Variants in ASIC2 observed in about 807,000 individuals in gnomAD.
ASIC2 encodes the protein acid sensing ion channel subunit 2.
In ASIC2, 25 loss-of-function variants were observed where a neutral mutation model predicts 57.3. The observed-to-expected ratio is 0.44, with a 90% CI of 0.32 to 0.61. ASIC2 has a LOEUF of 0.61. Among genes scored for constraint, ASIC2 ranks in the 20% least tolerant of loss-of-function variants. The probability of loss-of-function intolerance (pLI) is 0.06; values close to 1 mark genes in which losing one functional copy is unlikely to be tolerated. For synonymous variants in ASIC2, 319 were observed against 307.5 expected (o/e 1.04, Z -0.39); for missense variants, 641 against 738.1 (o/e 0.87, Z 1.52).
At chr17:33,234,867 T>C (rs974454441) in intron 1 of ASIC2, among the ~76,000 whole-genome samples, 28 of 152,188 alleles carry the variant, frequency 1.8e-4, no homozygotes, top group Non-Finnish European at 3.5e-4. Context: ...GATTTCAACA[T>C]ATACATCTTG....
chr17:33,476,544 GGTGTGTGTGTGTGT>G (rs59467363), intron 1 of ASIC2, among the ~76,000 whole-genome samples: 13 of 104,638 alleles, frequency 1.2e-4, no homozygotes, highest in Non-Finnish European at 1.9e-4. Context: ...TATGTACAGG[GGTGTGTGTGTGTGT>G]GTGTGTGTGT....
chr17:33,729,586 C>T (rs1909675221), intron 1 of ASIC2, among the ~76,000 whole-genome samples: 1 of 152,178 alleles, frequency 6.6e-6, no homozygotes, highest in Non-Finnish European at 1.5e-5. Flanking sequence ...GAGTCCAGAG[C>T]CAGATTCTAG....
At chr17:33,803,874 C>A (rs907269132) in intron 1 of ASIC2, among the ~76,000 whole-genome samples, 1 of 151,978 alleles carries the variant, frequency 6.6e-6, no homozygotes, top group Non-Finnish European at 1.5e-5. Context: ...AGCCCAGGAG[C>A]CTTTTATGTG....
chr17:33,304,866 G>A (rs116513981), intron 1 of ASIC2, among the ~76,000 whole-genome samples: 4,136 of 152,128 alleles, frequency 0.027, 189 homozygotes, highest in African/African-American at 0.095. Context: ...GACCTGGTTT[G>A]GTGCCCTTGA....
intron 1 of ASIC2, among the ~76,000 whole-genome samples, chr17:33,744,294 T>C (rs1910195985): frequency 6.6e-6 from 1 of 152,182 alleles, no homozygotes; most frequent in African/African-American, 2.4e-5. Flanking sequence ...TGCTGAGCAA[T>C]TTATGTCTTA....
chr17:33,196,276 C>T (rs778379378), intron 1 of ASIC2, among the ~76,000 whole-genome samples: 2 of 152,096 alleles, frequency 1.3e-5, no homozygotes, highest in African/African-American at 2.4e-5. Context: ...TAAAACTGTG[C>T]CCTTTCCACC....
intron 1 of ASIC2, among the ~76,000 whole-genome samples, chr17:33,757,901 T>C (rs1910660179): frequency 6.6e-6 from 1 of 152,234 alleles, no homozygotes; most frequent in Admixed American, 6.5e-5. Context: ...AGGCCGACAG[T>C]GCTCTGGAAG....
At chr17:34,060,647 A>G (rs766848085) in intron 1 of ASIC2, among the ~76,000 whole-genome samples, 1 of 152,214 alleles carries the variant, frequency 6.6e-6, no homozygotes, top group Non-Finnish European at 1.5e-5. Flanking sequence ...TAGCATAAAG[A>G]AAAAACAAGC....
chr17:33,678,761 C>T (rs1296873803), intron 1 of ASIC2, among the ~76,000 whole-genome samples: 1 of 152,144 alleles, frequency 6.6e-6, no homozygotes, highest in Non-Finnish European at 1.5e-5. Context: ...CCAGCTGGAA[C>T]CTCAGAGCAA....
At chr17:33,489,967 C>T (rs910621957) in intron 1 of ASIC2, among the ~76,000 whole-genome samples, 1 of 152,200 alleles carries the variant, frequency 6.6e-6, no homozygotes, top group Admixed American at 6.5e-5. Context: ...ACTACCTATT[C>T]CTGATTTAAA....
At chr17:33,467,979 G>A (rs763400389) in intron 1 of ASIC2, among the ~76,000 whole-genome samples, 2 of 152,138 alleles carry the variant, frequency 1.3e-5, no homozygotes, top group Non-Finnish European at 2.9e-5. Flanking sequence ...CCTTTTCATT[G>A]ACAGTTATAT....
chr17:33,762,514 T>G (rs946625064), intron 1 of ASIC2, among the ~76,000 whole-genome samples: 1 of 152,184 alleles, frequency 6.6e-6, no homozygotes, highest in Non-Finnish European at 1.5e-5. Context: ...AGTCACCATT[T>G]CATGGCTGCT....
At chr17:33,929,366 C>T (rs544838045) in intron 1 of ASIC2, among the ~76,000 whole-genome samples, 204 of 152,342 alleles carry the variant, frequency 1.3e-3, no homozygotes, top group Middle Eastern at 6.8e-3. Flanking sequence ...GTGATCCTTT[C>T]CTTAGCTCCT....
chr17:34,156,219 T>C lies in ASIC2; in HGVS notation c.314A>G (p.Asn105Ser). The C allele has an allele frequency of 6.2e-7, 1 of 1,614,018 alleles. No homozygotes were observed. The highest frequency in any genetic ancestry group is 8.5e-7 in the Non-Finnish European group (1 of 1,179,978). The change falls in exon 1 of 10, where the codon AAT becomes AGT. Residue 105 changes from asparagine (N) to serine (S), a missense_variant. Asn to Ser is a conservative substitution (Grantham distance 46, BLOSUM62 1). Transcript: ENST00000359872. This position sits in a 1 kb window ranked among gnomAD's most constrained non-coding sequence, Gnocchi z 4.4. ...CAGCTCCCCAGCATGGTACAGGTCA[T>C]TGGTGGTGAGCCTGGAGAACCGGAA... is the stretch of plus-strand genomic sequence containing the variant.
At chr17:33,465,826 C>T (rs915480577) in intron 1 of ASIC2, among the ~76,000 whole-genome samples, 4 of 152,170 alleles carry the variant, frequency 2.6e-5, no homozygotes, top group South Asian at 2.1e-4. Context: ...CCAGCTTTCT[C>T]CCATCTTTTG....
At chr17:33,766,367 G>C (rs1189768917) in intron 1 of ASIC2, among the ~76,000 whole-genome samples, 1 of 152,112 alleles carries the variant, frequency 6.6e-6, no homozygotes, top group African/African-American at 2.4e-5. Flanking sequence ...AGATATAGAG[G>C]GACTGCTGTA....
chr17:33,990,091 G>A (rs1567780427), intron 1 of ASIC2, among the ~76,000 whole-genome samples: 1 of 152,202 alleles, frequency 6.6e-6, no homozygotes, highest in Non-Finnish European at 1.5e-5. Context: ...GCTAGCTTAA[G>A]GGTGAAGGTG....
At chr17:33,567,578 A>G (rs1916277829) in intron 1 of ASIC2, among the ~76,000 whole-genome samples, 1 of 152,096 alleles carries the variant, frequency 6.6e-6, no homozygotes, top group African/African-American at 2.4e-5. Flanking sequence ...CTCTGGAGGG[A>G]GAAGCGTGGC....
chr17:33,192,591 A>T (rs557316293), intron 1 of ASIC2, among the ~76,000 whole-genome samples: 66 of 152,308 alleles, frequency 4.3e-4, no homozygotes, highest in African/African-American at 1.5e-3. Context: ...TCACCTCCTA[A>T]CGTCAGCCAT....
Sources: allele counts gnomAD v4.1 joint callset (sites outside exome capture counted in the v4.1 genomes callset), GRCh38; gene constraint gnomAD v4.1.1; non-coding constraint Gnocchi (gnomAD v3.1); transcripts MANE v1.5; gene names NCBI Gene and HGNC (gene_info 2026-07-23, HGNC 2026-07-21).